Variants in CEP170B observed in about 807,000 individuals in gnomAD.
CEP170B encodes centrosomal protein of 170 kDa protein B.
CEP170B carries 55 observed loss-of-function variants against 120.6 expected under a neutral mutation model. The observed-to-expected ratio is 0.46, with a 90% CI of 0.37 to 0.57. The LOEUF is 0.57. CEP170B is among the 20% of genes least tolerant of loss of function. The pLI is 0.00. For synonymous variants in CEP170B, 1,033 were observed against 954.5 expected, an observed-to-expected ratio of 1.08 and a Z score of -1.52; for missense variants, 2,212 against 2,253.3, an observed-to-expected ratio of 0.98 and a Z score of 0.37.
rs1457705213 is a variant in CEP170B at position 104,891,389 on chromosome 14, G to A, written c.3879-1587G>A. ...AAGTGTTTGTTGTGGAGGATGCTGA[G>A]CTTGAAGCCCATGAGGGACCTGGAA... On this transcript the variant is annotated intron_variant, in intron 13 of 18. Transcript: ENST00000414716. The surrounding 1 kb of genome is among the most constrained non-coding windows in gnomAD (Gnocchi z 4.3). Among the ~76,000 whole-genome samples, 2 of 152,114 alleles carry A rather than the reference G, an allele frequency of 1.3e-5. No homozygotes were observed. Among genetic ancestry groups the A allele is most frequent in the African/African-American group, 4.8e-5 (2 of 41,396 alleles).
chr14:104,893,720 C>T (rs1437310342), intron 15 of CEP170B, 41 bp from the exon 16 acceptor site: 3 of 1,587,826 alleles, frequency 1.9e-6, no homozygotes, highest in Middle Eastern at 1.7e-4. Flanking sequence ...AGGGGCGGGG[C>T]TCCTCGAGGG....
intron 12 of CEP170B, 24 bp from the exon 13 acceptor site, chr14:104,889,596 A>T: frequency 6.2e-7 from 1 of 1,608,242 alleles, no homozygotes; most frequent in Non-Finnish European, 8.5e-7. Context: ...TCCCCCAAAC[A>T]CACACGCTCC....
intron 16 of CEP170B, 200 bp downstream of exon 16, chr14:104,894,049 G>A (rs1438762697): frequency 1.2e-5 from 8 of 663,890 alleles, no homozygotes; most frequent in East Asian, 5.4e-5. Context: ...CCTCCAGGGC[G>A]GCCCTTCCTC....
chr14:104,889,527 G>T, intron 12 of CEP170B, 93 bp from the exon 13 acceptor site: 1 of 1,589,576 alleles, frequency 6.3e-7, no homozygotes. Flanking sequence ...ACGAGGCGCC[G>T]GCAGCAGGGC....
Position 104,877,902 on chromosome 14 carries a change from G to A in CEP170B, c.213G>A (p.Met71Ile), listed in dbSNP as rs1265937803. The A allele has an allele frequency of 1.1e-5, 16 of 1,517,576 alleles. No individual in the cohort carries two copies. Among genetic ancestry groups the A allele is most frequent in the Non-Finnish European group, 1.4e-5 (16 of 1,117,386 alleles). The allele number at this position is 1,517,576 out of a possible 1,614,324, so 94.0% of individuals were successfully genotyped here. A position where few individuals can be genotyped will look rare whatever the true frequency, so the allele number is the denominator to read the frequency against. The change falls in exon 4 of 19, where the codon ATG (methionine) becomes ATA (isoleucine). Residue 71 changes from methionine (M) to isoleucine (I), a missense_variant. By Grantham distance (10) the Met-to-Ile change is conservative. Coordinates refer to ENST00000414716, the MANE Select transcript of CEP170B (RefSeq NM_001112726.3). The stretch of plus-strand genomic sequence containing the variant: ...TCCTGCAGACGTTTGTGAATGACAT[G>A]CGCATCCCGGACCAGAAGTACGTCA... ...GSLNGTFVNDMRIPDQKYVTL... is the reference protein window; with the variant it reads ...GSLNGTFVNDIRIPDQKYVTL...
At chr14:104,893,449 G>A in intron 14 of CEP170B, 74 bp from the exon 15 acceptor site, 1 of 1,527,170 alleles carries the variant, frequency 6.5e-7, no homozygotes, top group Non-Finnish European at 8.8e-7. Flanking sequence ...TGCCGGGCCG[G>A]AGCAGGGAGG....
rs1365309633 is a variant in CEP170B at position 104,882,928 on chromosome 14, C to A, written c.577+96C>A. ...GGCTTGAGGAGCCCACTCCGGGGGA[C>A]ATGGGGCCTGTCTCCCCCTCTTGGG... is the stretch of plus-strand genomic sequence containing the variant. On this transcript the variant is annotated intron_variant, in intron 7 of 18. Transcript: ENST00000414716. 5 of 1,453,224 alleles carry A rather than the reference C, an allele frequency of 3.4e-6. No individual in the cohort carries two copies. The South Asian group carries it at 5.3e-5, about 15-fold the overall frequency. The allele number at this position is 1,453,224 out of a possible 1,614,324, so 90.0% of individuals were successfully genotyped here. A position where few individuals can be genotyped will look rare whatever the true frequency, so the allele number is the denominator to read the frequency against.
chr14:104,888,995 G>C (rs928450895), intron 12 of CEP170B, among the ~76,000 whole-genome samples: 4 of 152,246 alleles, frequency 2.6e-5, no homozygotes, highest in African/African-American at 2.4e-5. Flanking sequence ...CTGCTGCCAG[G>C]CTTAGAGCAG....
At chr14:104,883,796 C>A in intron 8 of CEP170B, 35 bp from the exon 9 acceptor site, 3 of 1,487,872 alleles carry the variant, frequency 2.0e-6, no homozygotes, top group Non-Finnish European at 2.7e-6. Flanking sequence ...TCCTTTCTCT[C>A]GGCCTGACAA....
In CEP170B at chr14:104,895,564, C is replaced by T. The variant is rs1897042861; in HGVS notation, c.*606C>T. The stretch of plus-strand genomic sequence containing the variant: ...CTGCTTCCAGCCTCTGGTGCCAACA[C>T]AGTTGCCAAACCCATTGAGCTTGGG... On this transcript the variant is annotated 3_prime_UTR_variant, in exon 19 of 19. Coordinates refer to ENST00000414716, the MANE Select transcript of CEP170B (RefSeq NM_001112726.3). The T allele has an allele frequency of 6.5e-6, 1 of 152,736 alleles. No individual in the cohort carries two copies. 9.5% of individuals were successfully genotyped at this position (152,736 alleles called of 1,614,324 possible).
rs1213098117 is a variant in CEP170B, at chr14:104,895,601, G to A, written c.*643G>A. On this transcript the variant is annotated 3_prime_UTR_variant, in exon 19 of 19. Transcript: ENST00000414716. Reference sequence around the variant, plus strand: ...CCATTGAGCTTGGGGCTGCCCTGTGGAGGCCTCCTGGGTATGGACCAGGGG... The same window carrying A: ...CCATTGAGCTTGGGGCTGCCCTGTGAAGGCCTCCTGGGTATGGACCAGGGG... 6 of 152,674 alleles carry A rather than the reference G, an allele frequency of 3.9e-5. No homozygotes were observed. Among genetic ancestry groups the A allele is most frequent in the Non-Finnish European group, 2.9e-5 (2 of 68,150 alleles). The allele number at this position is 152,674 out of a possible 1,614,324, so 9.5% of individuals were successfully genotyped here. A position where few individuals can be genotyped will look rare whatever the true frequency, so the allele number is the denominator to read the frequency against.
intron 2 of CEP170B, among the ~76,000 whole-genome samples, chr14:104,874,944 G>A (rs942968114): frequency 3.3e-5 from 5 of 152,340 alleles, no homozygotes; most frequent in South Asian, 2.1e-4. Flanking sequence ...TGGGCCATCA[G>A]AGCCCTTGCC....
At position 104,887,993 on chromosome 14, in the gene CEP170B, G is replaced by A. The variant is rs549245275; in HGVS notation, c.3739+15G>A. The A allele has an allele frequency of 3.4e-5, 50 of 1,471,100 alleles. No homozygotes were observed. Among genetic ancestry groups the A allele is most frequent in the South Asian group, 8.2e-5 (6 of 73,606 alleles). The allele number at this position is 1,471,100 out of a possible 1,614,324, so 91.1% of individuals were successfully genotyped here. On this transcript the variant is annotated intron_variant, in intron 12 of 18. Coordinates refer to ENST00000414716, the MANE Select transcript of CEP170B (RefSeq NM_001112726.3). ...ATACACCTCCAGTGAGTGCCAGGGC[G>A]GGTGGGAGGCCAGGGCCAAGACAGG...
chr14:104,888,360 G>A (rs1285943585), intron 12 of CEP170B, among the ~76,000 whole-genome samples: 4 of 152,234 alleles, frequency 2.6e-5, no homozygotes, highest in African/African-American at 9.6e-5. Flanking sequence ...GAGGCCCTAG[G>A]CCTGGGGAGG....
intron 5 of CEP170B, among the ~76,000 whole-genome samples, chr14:104,879,915 G>A (rs927677552): frequency 3.3e-5 from 5 of 152,092 alleles, no homozygotes; most frequent in African/African-American, 4.8e-5. Flanking sequence ...GATGATCTCC[G>A]AGCAGCCTGG....
chr14:104,889,874 G>C, intron 13 of CEP170B, 116 bp downstream of exon 13: 1 of 1,065,816 alleles, frequency 9.4e-7, no homozygotes, highest in Non-Finnish European at 1.3e-6. Flanking sequence ...AGATGGTACG[G>C]CAGATGGCTG....
intron 13 of CEP170B, among the ~76,000 whole-genome samples, chr14:104,890,658 ATGAG>A (rs199931508): frequency 2.9e-5 from 3 of 104,346 alleles, no homozygotes; most frequent in African/African-American, 1.1e-4. Context: ...GGATGAATGG[ATGAG>A]TGAGTGGGTG....
At chr14:104,874,733 G>A (rs1009304759) in intron 2 of CEP170B, among the ~76,000 whole-genome samples, 2 of 143,556 alleles carry the variant, frequency 1.4e-5, no homozygotes, top group African/African-American at 5.2e-5. Flanking sequence ...CTCCACTGCA[G>A]TACCCCCCAA....
Position 104,876,283 on chromosome 14 carries a change from G to A in CEP170B, c.133G>A (p.Val45Ile), listed in dbSNP as rs1895842294. 5 of 1,550,880 alleles carry A rather than the reference G, an allele frequency of 3.2e-6. No homozygotes were observed. Among genetic ancestry groups the A allele is most frequent in the South Asian group, 1.2e-5 (1 of 84,050 alleles). ...QSRSVDKQHAVINYDQDRDEH... is the reference protein window; with the variant it reads ...QSRSVDKQHAIINYDQDRDEH... Reference sequence around the variant, plus strand: ...CCGCAGCGTGGACAAGCAGCATGCCGTCATCAACTACGACCAGGACAGGGA... The same window carrying A: ...CCGCAGCGTGGACAAGCAGCATGCCATCATCAACTACGACCAGGACAGGGA... Residue 45 changes from valine (V) to isoleucine (I), a missense_variant, in exon 3 of 19, where the codon GTC becomes ATC. By Grantham distance (29) the Val-to-Ile change is conservative (BLOSUM62 3). Around this residue, in one of 2 missense-constraint regions of CEP170B, gnomAD observed 46 missense variants for 86.6 expected, o/e 0.53. Coordinates refer to ENST00000414716, the MANE Select transcript of CEP170B (RefSeq NM_001112726.3).
Sources: allele counts gnomAD v4.1 joint callset (sites outside exome capture counted in the v4.1 genomes callset), GRCh38; gene constraint gnomAD v4.1.1; regional missense constraint gnomAD v4.1.1; non-coding constraint Gnocchi (gnomAD v3.1); transcripts MANE v1.5; gene names NCBI Gene and HGNC (gene_info 2026-07-23, HGNC 2026-07-21).